The following CREB5 variants were observed in gnomAD, a reference collection of about 807,000 sequenced individuals.
The protein encoded by CREB5 is cAMP responsive element binding protein 5.
In CREB5, 19 loss-of-function variants were observed where a neutral mutation model predicts 57.1. The ratio of observed to expected loss-of-function variants is 0.33; its 90% CI spans 0.23 to 0.49. The LOEUF (loss-of-function observed/expected upper bound fraction) is 0.49, where lower values mean the gene tolerates loss of function less well. Among genes scored for constraint, CREB5 ranks in the 20% least tolerant of loss-of-function variants. The pLI is 0.99. For missense variants in CREB5, 579 were observed against 671.6 expected, an observed-to-expected ratio of 0.86 and a Z score of 1.52; for synonymous variants, 238 against 238.3, an observed-to-expected ratio of 1.00 and a Z score of 0.01.
rs16874503 is a variant in CREB5 at position 28,351,388 on chromosome 7, C to T, written c.-25+51947C>T. 1.8e-4 allele frequency among the ~76,000 whole-genome samples: 28 copies of T among 152,260 alleles called. No homozygotes were observed. In the East Asian group the frequency reaches 5.2e-3, roughly 28 times the overall value. ...ACCCAGTGCTTGCAGATCCATACTG[C>T]TAGACTACGTGAAGGAGGAAGAAAG... On this transcript the variant is annotated intron_variant, in intron 1 of 9. Transcript: ENST00000396299.
intron 5 of CREB5, among the ~76,000 whole-genome samples, chr7:28,622,727 A>C (rs927884432): frequency 1.3e-5 from 2 of 152,084 alleles, no homozygotes; most frequent in African/African-American, 4.8e-5. Context: ...TGCAAGTTAA[A>C]ATATTCCCAC....
intron 1 of CREB5, among the ~76,000 whole-genome samples, chr7:28,366,716 C>T (rs1330186832): frequency 4.6e-5 from 7 of 152,210 alleles, no homozygotes; most frequent in Non-Finnish European, 8.8e-5. Flanking sequence ...AAACATTGGA[C>T]ATCCTTCTGC....
chr7:28,551,029 ATC>A (rs1470130931), intron 4 of CREB5, among the ~76,000 whole-genome samples: 1 of 152,166 alleles, frequency 6.6e-6, no homozygotes, highest in African/African-American at 2.4e-5. Context: ...TGAGAAACAC[ATC>A]TGTTATCAAA....
intron 1 of CREB5, among the ~76,000 whole-genome samples, chr7:28,484,241 C>T (rs1791466266): frequency 6.6e-6 from 1 of 152,070 alleles, no homozygotes; most frequent in African/African-American, 2.4e-5. Flanking sequence ...CTATGCAGGG[C>T]TTTATTTAAT....
intron 7 of CREB5, chr7:28,724,544 G>T (rs908169137): frequency 5.7e-6 from 3 of 522,730 alleles, no homozygotes; most frequent in African/African-American, 3.8e-5. Context: ...ATTGGCAAGT[G>T]GTATTAATGA....
At chr7:28,664,689 G>A (rs918544511) in intron 5 of CREB5, among the ~76,000 whole-genome samples, 1 of 152,062 alleles carries the variant, frequency 6.6e-6, no homozygotes, top group African/African-American at 2.4e-5. Context: ...CATGCCGTCT[G>A]TTTTTTTCCA....
intron 1 of CREB5, among the ~76,000 whole-genome samples, chr7:28,331,223 AT>A (rs1315301987): frequency 2.0e-5 from 3 of 151,614 alleles, no homozygotes; most frequent in Non-Finnish European, 4.4e-5. Context: ...GCCCTTTTAG[AT>A]TTTTTCCTCC....
intron 6 of CREB5, 152 bp downstream of exon 6, chr7:28,719,031 A>T: frequency 8.1e-7 from 1 of 1,238,164 alleles, no homozygotes; most frequent in Non-Finnish European, 1.1e-6. Flanking sequence ...TTTTGCTTTG[A>T]GGGCCCAGTT....
At chr7:28,596,879 AGTG>A (rs1445375717) in intron 5 of CREB5, among the ~76,000 whole-genome samples, 2 of 152,198 alleles carry the variant, frequency 1.3e-5, no homozygotes, top group African/African-American at 4.8e-5. Flanking sequence ...GATTTTCAAT[AGTG>A]GGAAGGATCC....
chr7:28,451,266 A>G (rs1447423281), intron 1 of CREB5, among the ~76,000 whole-genome samples: 1 of 152,144 alleles, frequency 6.6e-6, no homozygotes, highest in East Asian at 1.9e-4. Context: ...GAAAGTAACT[A>G]TTCTATACTA....
Position 28,821,577 on chromosome 7 carries a change from AGTT to A in CREB5, c.*2305_*2307del, listed in dbSNP as rs777807356. The stretch of plus-strand genomic sequence containing the variant: ...CGAGTATTTTAAATACTGAATTCAT[AGTT>A]GTTGTTTTTTAAATTCCAACAGTAA... On this transcript the variant is annotated 3_prime_UTR_variant, in exon 11 of 11. Coordinates refer to ENST00000357727, the MANE Select transcript of CREB5 (RefSeq NM_182898.4). 12 of 152,270 alleles carry A rather than the reference AGTT, an allele frequency of 7.9e-5. No homozygotes were observed. Among genetic ancestry groups the A allele is most frequent in the South Asian group, 6.2e-4 (3 of 4,830 alleles). The allele number at this position is 152,270 out of a possible 1,614,324, so 9.4% of individuals were successfully genotyped here.
intron 1 of CREB5, among the ~76,000 whole-genome samples, chr7:28,378,628 C>G (rs910040915): frequency 6.6e-6 from 1 of 152,160 alleles, no homozygotes; most frequent in Admixed American, 6.5e-5. Context: ...CTGGCTTTGT[C>G]ACACCTGCAA....
intron 6 of CREB5, among the ~76,000 whole-genome samples, chr7:28,719,613 A>G (rs905325190): frequency 2.0e-5 from 3 of 152,308 alleles, no homozygotes; most frequent in East Asian, 1.9e-4. Context: ...CACTGTTTTT[A>G]TACCTATTTT....
intron 1 of CREB5, among the ~76,000 whole-genome samples, chr7:28,348,947 T>A (rs1786131432): frequency 6.6e-6 from 1 of 152,252 alleles, no homozygotes; most frequent in African/African-American, 2.4e-5. Context: ...GCTCTTGTTC[T>A]TATTTCTTAA....
At chr7:28,661,975 A>G (rs1035935867) in intron 5 of CREB5, among the ~76,000 whole-genome samples, 2 of 152,210 alleles carry the variant, frequency 1.3e-5, no homozygotes, top group African/African-American at 4.8e-5. Flanking sequence ...TAGGGAACAC[A>G]GTTCTTTGTT....
upstream of CREB5, chr7:28,410,576 C>A (rs951236270): frequency 6.6e-6 from 3 of 456,196 alleles, no homozygotes; most frequent in Non-Finnish European, 1.3e-5. Context: ...CACACTCTCA[C>A]CCCCATCCCC....
chr7:28,331,997 A>T (rs182367298), intron 1 of CREB5, among the ~76,000 whole-genome samples: 84 of 152,320 alleles, frequency 5.5e-4, no homozygotes, highest in African/African-American at 2.0e-3. Context: ...GTCTTTGCAG[A>T]TGTAATTCAG....
chr7:28,628,109 C>G (rs1267266063), intron 5 of CREB5, among the ~76,000 whole-genome samples: 1 of 151,972 alleles, frequency 6.6e-6, no homozygotes, highest in Non-Finnish European at 1.5e-5. Flanking sequence ...CAGCCAGTTC[C>G]TCTTCTTACT....
intron 5 of CREB5, among the ~76,000 whole-genome samples, chr7:28,636,460 G>C (rs1024898923): frequency 2.0e-5 from 3 of 152,074 alleles, no homozygotes; most frequent in Non-Finnish European, 4.4e-5. Flanking sequence ...CTCCCTCCTT[G>C]AGGGCAAACA....
Sources: gnomAD v4.1 joint callset for allele counts (sites outside exome capture counted in the v4.1 genomes callset) on GRCh38, gnomAD v4.1.1 for gene constraint, MANE v1.5 for transcripts, NCBI Gene and HGNC (gene_info 2026-07-23, HGNC 2026-07-21) for gene names.